ERC2: variants seen among roughly 807,000 people sequenced by gnomAD.
ERC2 encodes the protein ELKS/RAB6-interacting/CAST family member 2, also known as ERC protein 2.
A neutral mutation model predicts 114.8 loss-of-function variants in ERC2; 42 were observed. The observed-to-expected ratio is 0.37, with a 90% CI of 0.29 to 0.47. ERC2 has a LOEUF of 0.47. Among genes scored for constraint, ERC2 ranks in the 20% least tolerant of loss-of-function variants. The pLI is 0.99. For missense variants in ERC2, 939 were observed against 1,150.7 expected (o/e 0.82, Z 2.66); for synonymous variants, 454 against 425.5 (o/e 1.07, Z -0.82).
intron 16 of ERC2, among the ~76,000 whole-genome samples, chr3:55,697,112 C>A (rs550442980): frequency 2.0e-5 from 3 of 152,274 alleles, no homozygotes; most frequent in African/African-American, 4.8e-5. Context: ...GATTCTTATT[C>A]TAGGGCTAGA....
chr3:55,970,809 C>A (rs535648620), intron 12 of ERC2, among the ~76,000 whole-genome samples: 73 of 152,126 alleles, frequency 4.8e-4, no homozygotes, highest in Non-Finnish European at 1.0e-3. Flanking sequence ...AACATAGTTA[C>A]CACGGGACAC....
In ERC2 at chr3:55,734,773, G is replaced by C. The variant is rs1367907808; in HGVS notation, c.2710C>G (p.Gln904Glu). ...KDRLVHQLKQQTQNRMKLMAD... is the reference protein window; with the variant it reads ...KDRLVHQLKQETQNRMKLMAD... ...ACCTGTCTTGCAGGAGGCCCCACCTGCTGCTTTAATTGATGTACTAGTCGG... is the reference window on the plus strand; with the variant it reads ...ACCTGTCTTGCAGGAGGCCCCACCTCCTGCTTTAATTGATGTACTAGTCGG... Residue 904 changes from glutamine to glutamate, a missense_variant and splice_region_variant, in exon 15 of 18, where the codon CAG becomes GAG. Physicochemically the swap from Gln to Glu is conservative, Grantham distance 29. Transcript: ENST00000288221. The C allele has an allele frequency of 6.2e-7, 1 of 1,608,582 alleles. No individual in the cohort carries two copies. Among genetic ancestry groups the C allele is most frequent in the Non-Finnish European group, 8.5e-7 (1 of 1,177,496 alleles).
intron 17 of ERC2, among the ~76,000 whole-genome samples, chr3:55,674,552 C>T (rs1326844785): frequency 6.6e-6 from 1 of 152,082 alleles, no homozygotes; most frequent in Non-Finnish European, 1.5e-5. Context: ...GCTCAGATTT[C>T]CCAGTGAAAG....
At chr3:56,273,253 T>A (rs1291584991) in intron 3 of ERC2, among the ~76,000 whole-genome samples, 3 of 115,130 alleles carry the variant, frequency 2.6e-5, no homozygotes, top group Non-Finnish European at 3.8e-5. Context: ...TCCCACTTTT[T>A]TTTTCTTTCT....
intron 10 of ERC2, among the ~76,000 whole-genome samples, chr3:55,997,917 TGTGTGTTTTTTG>T (rs2071703413): frequency 1.6e-4 from 7 of 43,724 alleles, no homozygotes; most frequent in African/African-American, 3.9e-4. Flanking sequence ...TGTGTGTGTG[TGTGTGTTTTTTG>T]TTTTTTTTTT....
intron 14 of ERC2, among the ~76,000 whole-genome samples, chr3:55,810,027 C>T (rs185729775): frequency 1.6e-4 from 24 of 152,302 alleles, no homozygotes; most frequent in Non-Finnish European, 3.1e-4. Context: ...GGAGATAAGT[C>T]CTTTTCTTCA....
At chr3:56,197,433 G>A (rs149198993) in intron 3 of ERC2, among the ~76,000 whole-genome samples, 275 of 152,300 alleles carry the variant, frequency 1.8e-3, no homozygotes, top group African/African-American at 6.2e-3. Flanking sequence ...AAGCCTGGAG[G>A]TGGAATATTC....
chr3:56,445,619 C>T (rs1277239235), intron 1 of ERC2, among the ~76,000 whole-genome samples: 2 of 152,198 alleles, frequency 1.3e-5, no homozygotes, highest in Non-Finnish European at 2.9e-5. Flanking sequence ...AACCAAAACG[C>T]TTCCCATGGC....
chr3:55,580,025 A>G (rs2057180123), intron 17 of ERC2, among the ~76,000 whole-genome samples: 1 of 152,228 alleles, frequency 6.6e-6, no homozygotes, highest in African/African-American at 2.4e-5. Context: ...CCTCAGGGAC[A>G]TAGGAAGAGA....
At chr3:55,521,102 T>C (rs918547577) in intron 17 of ERC2, among the ~76,000 whole-genome samples, 1 of 152,222 alleles carries the variant, frequency 6.6e-6, no homozygotes, top group African/African-American at 2.4e-5. Context: ...AAGGCGCCCT[T>C]CCCGCCTCAC....
chr3:55,952,857 G>A (rs1193281593), intron 12 of ERC2, among the ~76,000 whole-genome samples: 1 of 152,074 alleles, frequency 6.6e-6, no homozygotes, highest in Non-Finnish European at 1.5e-5. Flanking sequence ...AAAGAAAAAA[G>A]CATATTCTAA....
intron 14 of ERC2, among the ~76,000 whole-genome samples, chr3:55,867,361 T>A (rs1008937539): frequency 1.3e-5 from 2 of 152,142 alleles, no homozygotes; most frequent in Non-Finnish European, 1.5e-5. Context: ...GTTCAATAAG[T>A]GTTTTAGGGT....
chr3:56,022,414 T>C (rs1367256393), intron 7 of ERC2, among the ~76,000 whole-genome samples: 2 of 152,190 alleles, frequency 1.3e-5, no homozygotes, highest in Admixed American at 1.3e-4. Flanking sequence ...AGAATGGTTA[T>C]TTAAGTGACT....
intron 3 of ERC2, among the ~76,000 whole-genome samples, chr3:56,273,262 CTT>C (rs35595771): frequency 2.0e-3 from 186 of 93,696 alleles, no homozygotes; most frequent in Non-Finnish European, 2.1e-3. Flanking sequence ...TTTTTTCTTT[CTT>C]TTTTTTTTTT....
At chr3:55,690,638 A>G (rs1259519650) in intron 16 of ERC2, among the ~76,000 whole-genome samples, 1 of 151,990 alleles carries the variant, frequency 6.6e-6, no homozygotes, top group African/African-American at 2.4e-5. Flanking sequence ...AATCAGTAAA[A>G]GAAAAAAAAA....
chr3:56,401,994 G>A (rs2060538114), intron 2 of ERC2, among the ~76,000 whole-genome samples: 1 of 152,224 alleles, frequency 6.6e-6, no homozygotes, highest in Non-Finnish European at 1.5e-5. Flanking sequence ...CAGCAAGCAA[G>A]AGAGCTTGTG....
At chr3:56,346,869 C>A (rs1336769732) in intron 2 of ERC2, among the ~76,000 whole-genome samples, 1 of 152,142 alleles carries the variant, frequency 6.6e-6, no homozygotes, top group East Asian at 1.9e-4. Context: ...AAGGAGAGAG[C>A]AGGGGAGAGC....
At chr3:55,872,407 A>T (rs2062627609) in intron 14 of ERC2, among the ~76,000 whole-genome samples, 1 of 152,224 alleles carries the variant, frequency 6.6e-6, no homozygotes, top group South Asian at 2.1e-4. Flanking sequence ...TAATTAACCA[A>T]AATTACTTAA....
chr3:56,437,012 T>A (rs2062051829), intron 1 of ERC2, among the ~76,000 whole-genome samples: 1 of 152,204 alleles, frequency 6.6e-6, no homozygotes. Context: ...GCATTAAAGG[T>A]CTCAATCCTT....
Sources: gnomAD v4.1 joint callset for allele counts (sites outside exome capture counted in the v4.1 genomes callset) on GRCh38, gnomAD v4.1.1 for gene constraint, MANE v1.5 for transcripts, NCBI Gene and HGNC (gene_info 2026-07-23, HGNC 2026-07-21) for gene names.